ZFAND6: variants seen among roughly 807,000 people sequenced by gnomAD.
ZFAND6 encodes zinc finger AN1-type containing 6, also known as AN1-type zinc finger protein 6.
ZFAND6 carries 12 observed loss-of-function variants against 24.5 expected under a neutral mutation model. The ratio of observed to expected loss-of-function variants is 0.49; its 90% CI spans 0.31 to 0.79. The LOEUF (loss-of-function observed/expected upper bound fraction) is 0.79, where lower values mean the gene tolerates loss of function less well. ZFAND6 is among the 30% of genes least tolerant of loss of function. The probability of loss-of-function intolerance (pLI) is 0.04; values close to 1 mark genes in which losing one functional copy is unlikely to be tolerated. For synonymous variants in ZFAND6, 92 were observed against 81.5 expected, an observed-to-expected ratio of 1.13 and a Z score of -0.69; for missense variants, 207 against 245.9, an observed-to-expected ratio of 0.84 and a Z score of 1.06.
intron 1 of ZFAND6, chr15:80,073,452 CT>C (rs780575588): frequency 2.8e-5 from 5 of 179,038 alleles, no homozygotes; most frequent in Non-Finnish European, 6.1e-5. Flanking sequence ...TATATTGTTG[CT>C]CTTTGTTCTC....
At chr15:80,076,632 G>A (rs2037296980) in intron 1 of ZFAND6, among the ~76,000 whole-genome samples, 1 of 152,070 alleles carries the variant, frequency 6.6e-6, no homozygotes. Flanking sequence ...TAGTCTTTTC[G>A]AACCAGTAAG....
At chr15:80,062,418 C>T (rs1173522165) in intron 1 of ZFAND6, among the ~76,000 whole-genome samples, 2 of 152,110 alleles carry the variant, frequency 1.3e-5, no homozygotes. Context: ...TAGAGAATGC[C>T]CACAAGGTGT....
At chr15:80,125,998 C>G (rs2040355306) in intron 5 of ZFAND6, among the ~76,000 whole-genome samples, 1 of 152,054 alleles carries the variant, frequency 6.6e-6, no homozygotes, top group South Asian at 2.1e-4. Context: ...TGTAGGAGGC[C>G]TAGAGTAAGA....
chr15:80,116,703 A>G (rs1382396988), intron 2 of ZFAND6, among the ~76,000 whole-genome samples: 1 of 152,238 alleles, frequency 6.6e-6, no homozygotes, highest in Non-Finnish European at 1.5e-5. Context: ...AATTGAAACC[A>G]TACAAGACAA....
intron 1 of ZFAND6, among the ~76,000 whole-genome samples, chr15:80,085,696 G>A (rs1278175209): frequency 6.6e-6 from 1 of 151,700 alleles, no homozygotes; most frequent in East Asian, 1.9e-4. Flanking sequence ...TTTTTTAATG[G>A]GGATCATATT....
chr15:80,061,698 C>G lies in ZFAND6; in HGVS notation c.-181+1889C>G, dbSNP rs1314015580. Among the ~76,000 whole-genome samples, 4 of 152,222 alleles carry G rather than the reference C, an allele frequency of 2.6e-5. No homozygotes were observed. The East Asian group carries it at 7.7e-4, about 29-fold the overall frequency. On this transcript the variant is annotated intron_variant, in intron 1 of 6. Transcript: ENST00000261749. Reference sequence around the variant, plus strand: ...TGCCATAACTTATGGGCACTTCGACCGTGTTTTTATTGTTTTTTATTTTGT... The same window carrying G: ...TGCCATAACTTATGGGCACTTCGACGGTGTTTTTATTGTTTTTTATTTTGT...
In ZFAND6 at chr15:80,137,485, G is replaced by T; in HGVS notation, c.484G>T (p.Glu162Ter). 1 of 1,600,666 alleles carries T rather than the reference G, an allele frequency of 6.2e-7. No homozygotes were observed. The highest frequency in any genetic ancestry group is 1.1e-5 in the South Asian group (1 of 87,576). The change falls in exon 7 of 7, where the codon GAA (glutamate) becomes TAA (stop). Residue 162 changes from glutamate (E) to a stop codon, truncating the protein, a stop_gained. Coordinates refer to ENST00000261749, the MANE Select transcript of ZFAND6 (RefSeq NM_019006.4). LOFTEE classifies it high-confidence loss of function. The stretch of plus-strand genomic sequence containing the variant: ...GTGTATTACTCCATTTCCAGGGTTT[G>T]AATGCCGGTGTGGAAATGTTTACTG... Reference protein sequence around the residue: ...CRKKVGLTGFECRCGNVYCGV... With the variant: ...CRKKVGLTGF
At chr15:80,127,257 A>G (rs1477699207) in intron 5 of ZFAND6, among the ~76,000 whole-genome samples, 3 of 152,156 alleles carry the variant, frequency 2.0e-5, no homozygotes, top group African/African-American at 7.2e-5. Context: ...ACATTTCTCC[A>G]GAAAAGATAT....
At chr15:80,136,003 G>A (rs913374571) in intron 6 of ZFAND6, among the ~76,000 whole-genome samples, 3 of 152,048 alleles carry the variant, frequency 2.0e-5, no homozygotes, top group Non-Finnish European at 4.4e-5. Context: ...GCATGTGCCT[G>A]TAGTCCCAGC....
intron 2 of ZFAND6, among the ~76,000 whole-genome samples, chr15:80,114,729 A>G (rs1238731750): frequency 2.8e-4 from 43 of 152,306 alleles, no homozygotes; most frequent in Non-Finnish European, 4.4e-5. Context: ...AATTTTAATA[A>G]TTGGTAATGA....
At chr15:80,078,856 GTCT>G (rs1165738308) in intron 1 of ZFAND6, among the ~76,000 whole-genome samples, 3 of 149,798 alleles carry the variant, frequency 2.0e-5, no homozygotes. Context: ...CTGTATTTAT[GTCT>G]TCTTTTTTTT....
intron 1 of ZFAND6, among the ~76,000 whole-genome samples, chr15:80,076,034 A>G (rs533831341): frequency 6.6e-6 from 1 of 152,170 alleles, no homozygotes; most frequent in Admixed American, 6.5e-5. Flanking sequence ...TGCTTTCCTC[A>G]TTAGTGATCT....
rs116896356 is a variant in ZFAND6, at chr15:80,112,801, G to A, written c.-17-7527G>A. On this transcript the variant is annotated intron_variant, in intron 2 of 6. Coordinates refer to ENST00000261749, the MANE Select transcript of ZFAND6 (RefSeq NM_019006.4). The stretch of plus-strand genomic sequence containing the variant: ...TTGGAGATCCAAAGGCTCAGAACTC[G>A]GAATTACTGTATGCAACAGGAAACA... 9.9e-3 allele frequency: 4,535 copies of A among 455,994 alleles called. 44 individuals are homozygous for A. The highest frequency in any genetic ancestry group is 0.014 in the Non-Finnish European group (3,215 of 226,792). The allele number at this position is 455,994 out of a possible 1,614,324, so 28.2% of individuals were successfully genotyped here.
At chr15:80,093,101 T>C (rs989172483) in intron 1 of ZFAND6, among the ~76,000 whole-genome samples, 9 of 151,850 alleles carry the variant, frequency 5.9e-5, no homozygotes, top group African/African-American at 2.2e-4. Flanking sequence ...ATTACAGATG[T>C]GCGCTACCAT....
At chr15:80,100,686 G>A (rs1268438011) in intron 2 of ZFAND6, among the ~76,000 whole-genome samples, 4 of 152,140 alleles carry the variant, frequency 2.6e-5, no homozygotes, top group African/African-American at 4.8e-5. Context: ...GATCCTGTAC[G>A]AAATTCTGTC....
intron 2 of ZFAND6, among the ~76,000 whole-genome samples, chr15:80,113,058 C>G (rs1296062065): frequency 2.0e-5 from 3 of 149,198 alleles, no homozygotes; most frequent in Admixed American, 1.3e-4. Flanking sequence ...CGGTGTCGTA[C>G]TAGTTCAAAG....
At chr15:80,086,352 A>G (rs2038005936) in intron 1 of ZFAND6, among the ~76,000 whole-genome samples, 1 of 152,218 alleles carries the variant, frequency 6.6e-6, no homozygotes, top group African/African-American at 2.4e-5. Flanking sequence ...AACTTTTTAT[A>G]TTGAGGTATA....
intron 2 of ZFAND6, among the ~76,000 whole-genome samples, chr15:80,113,853 A>G (rs2039732190): frequency 6.6e-6 from 1 of 152,032 alleles, no homozygotes; most frequent in South Asian, 2.1e-4. Context: ...GTATTTGAGT[A>G]ATGGTACAAT....
At chr15:80,082,329 T>C (rs2037720861) in intron 1 of ZFAND6, among the ~76,000 whole-genome samples, 1 of 152,234 alleles carries the variant, frequency 6.6e-6, no homozygotes, top group Non-Finnish European at 1.5e-5. Flanking sequence ...TTGTGCCTAT[T>C]TCGCAGATGA....
Sources: allele counts gnomAD v4.1 joint callset (sites outside exome capture counted in the v4.1 genomes callset), GRCh38; gene constraint gnomAD v4.1.1; transcripts MANE v1.5; gene names NCBI Gene and HGNC (gene_info 2026-07-23, HGNC 2026-07-21).